Variants in CNBD1 observed in about 807,000 individuals in gnomAD.
The protein encoded by CNBD1 is cyclic nucleotide binding domain containing 1.
In CNBD1, 71 loss-of-function variants were observed where a neutral mutation model predicts 54.4. The ratio of observed to expected loss-of-function variants is 1.30; its 90% CI spans 1.08 to 1.59. The LOEUF (loss-of-function observed/expected upper bound fraction) is 1.59, where lower values mean the gene tolerates loss of function less well. CNBD1 is among the 40% of genes most tolerant of loss of function. CNBD1 has a pLI of 0.00. For missense variants in CNBD1, 659 were observed against 518.0 expected (o/e 1.27, Z -2.64); for synonymous variants, 182 against 170.7 (o/e 1.07, Z -0.51).
intron 2 of CNBD1, among the ~76,000 whole-genome samples, chr8:87,394,795 AT>A (rs1563585644): frequency 6.6e-6 from 1 of 151,912 alleles, no homozygotes; most frequent in East Asian, 1.9e-4. Context: ...AGTTTTATAA[AT>A]GTTTAAATTT....
At chr8:87,119,687 T>C (rs76557007) in intron 4 of CNBD1, among the ~76,000 whole-genome samples, 1,626 of 152,260 alleles carry the variant, frequency 0.011, 40 homozygotes, top group African/African-American at 0.037. Flanking sequence ...TTTCAGTCCT[T>C]TTCCATTAAA....
At chr8:87,039,290 TTATAAG>T (rs766478734) in intron 4 of CNBD1, among the ~76,000 whole-genome samples, 2 of 152,174 alleles carry the variant, frequency 1.3e-5, no homozygotes, top group Non-Finnish European at 2.9e-5. Context: ...ATTTTAGAAT[TTATAAG>T]TATATTTTCT....
intron 10 of CNBD1, among the ~76,000 whole-genome samples, chr8:87,354,320 G>C (rs188008869): frequency 2.6e-5 from 4 of 152,202 alleles, no homozygotes; most frequent in Non-Finnish European, 5.9e-5. Flanking sequence ...AATATTTATG[G>C]TAAGCATTCA....
chr8:87,317,822 C>G (rs114050037), intron 8 of CNBD1, among the ~76,000 whole-genome samples: 2 of 151,956 alleles, frequency 1.3e-5, no homozygotes, highest in African/African-American at 2.4e-5. Context: ...ACTCTAAATA[C>G]ATAAGATTAG....
chr8:87,324,035 GC>G (rs1312420686), intron 8 of CNBD1, among the ~76,000 whole-genome samples: 1 of 125,232 alleles, frequency 8.0e-6, no homozygotes, highest in Admixed American at 7.8e-5. Context: ...TTTGTCAAAG[GC>G]TTTTTCTGCA....
chr8:86,952,939 T>A (rs562986288), intron 4 of CNBD1, among the ~76,000 whole-genome samples: 1 of 152,312 alleles, frequency 6.6e-6, no homozygotes, highest in Admixed American at 6.5e-5. Context: ...TTATTTTATA[T>A]TTTGGGAGGG....
intron 3 of CNBD1, among the ~76,000 whole-genome samples, chr8:86,924,149 G>A (rs577804720): frequency 1.3e-5 from 2 of 152,098 alleles, no homozygotes; most frequent in Non-Finnish European, 2.9e-5. Flanking sequence ...TCATTACTTA[G>A]CACTATGGGA....
downstream of CNBD1, among the ~76,000 whole-genome samples, chr8:87,383,029 T>C (rs1418953579): frequency 2.6e-5 from 4 of 151,966 alleles, no homozygotes; most frequent in African/African-American, 9.7e-5. Flanking sequence ...GGACCACATG[T>C]GCCTTTTGGG....
At chr8:87,119,570 A>G (rs1056747349) in intron 4 of CNBD1, among the ~76,000 whole-genome samples, 6 of 151,824 alleles carry the variant, frequency 4.0e-5, no homozygotes, top group Non-Finnish European at 8.8e-5. Flanking sequence ...CATGCCTTTT[A>G]TTTTTTTCTC....
intron 4 of CNBD1, among the ~76,000 whole-genome samples, chr8:87,154,336 A>G (rs1812670048): frequency 6.6e-6 from 1 of 152,198 alleles, no homozygotes; most frequent in Admixed American, 6.5e-5. Context: ...GAAAGACTTA[A>G]GAGGTGATTC....
At chr8:87,341,960 T>G (rs112310117) in intron 8 of CNBD1, among the ~76,000 whole-genome samples, 2,247 of 152,298 alleles carry the variant, frequency 0.015, 55 homozygotes, top group African/African-American at 0.048. Context: ...TCTTAATGGA[T>G]TTCTGGGTTT....
chr8:87,327,962 C>A (rs554728387), intron 8 of CNBD1, among the ~76,000 whole-genome samples: 3 of 150,986 alleles, frequency 2.0e-5, no homozygotes, highest in Non-Finnish European at 4.4e-5. Flanking sequence ...ATGTTGATAT[C>A]CAGTTTTTCT....
chr8:87,273,661 A>G (rs796773895), intron 6 of CNBD1, among the ~76,000 whole-genome samples: 7 of 152,136 alleles, frequency 4.6e-5, no homozygotes, highest in African/African-American at 1.7e-4. Context: ...TATCATGAAT[A>G]TCGTTATTCT....
chr8:87,375,186 A>C (rs947371418), intron 10 of CNBD1, among the ~76,000 whole-genome samples: 2 of 151,904 alleles, frequency 1.3e-5, no homozygotes, highest in African/African-American at 4.8e-5. Context: ...ATGTACATGA[A>C]TTCAGCTCTT....
chr8:87,422,185 A>C (rs1156348171), intron 2 of CNBD1, among the ~76,000 whole-genome samples: 1 of 146,568 alleles, frequency 6.8e-6, no homozygotes, highest in Non-Finnish European at 1.5e-5. Flanking sequence ...GCCCTTTGTC[A>C]GATGAGTAGG....
At chr8:87,110,847 A>G (rs554690217) in intron 4 of CNBD1, among the ~76,000 whole-genome samples, 1 of 152,322 alleles carries the variant, frequency 6.6e-6, no homozygotes, top group South Asian at 2.1e-4. Flanking sequence ...TTCCTAATGG[A>G]TATGGAAAAG....
intron 6 of CNBD1, among the ~76,000 whole-genome samples, chr8:87,268,125 C>T (rs1430036679): frequency 6.6e-6 from 1 of 152,036 alleles, no homozygotes; most frequent in Non-Finnish European, 1.5e-5. Flanking sequence ...CTCAAGCAGT[C>T]CCCAGGGTCT....
chr8:87,382,308 T>C (rs1030067584), intron 10 of CNBD1, among the ~76,000 whole-genome samples: 2 of 151,860 alleles, frequency 1.3e-5, no homozygotes, highest in African/African-American at 4.8e-5. Flanking sequence ...AAAATAATTA[T>C]CAATTTAAAA....
At chr8:87,225,356 T>C (rs977457014) in intron 5 of CNBD1, among the ~76,000 whole-genome samples, 1 of 151,936 alleles carries the variant, frequency 6.6e-6, no homozygotes, top group Non-Finnish European at 1.5e-5. Flanking sequence ...TTTTTGCCCA[T>C]TCAGTATGAT....
Sources: gnomAD v4.1 joint callset for allele counts (sites outside exome capture counted in the v4.1 genomes callset) on GRCh38, gnomAD v4.1.1 for gene constraint, MANE v1.5 for transcripts, NCBI Gene and HGNC (gene_info 2026-07-23, HGNC 2026-07-21) for gene names.